ALK: variants seen among roughly 807,000 people sequenced by gnomAD.
The protein encoded by ALK is ALK receptor tyrosine kinase.
ALK carries 74 observed loss-of-function variants against 163.1 expected under a neutral mutation model. That is an observed-to-expected ratio of 0.45 (90% CI 0.38 to 0.55). The LOEUF (loss-of-function observed/expected upper bound fraction) is 0.55, where lower values mean the gene tolerates loss of function less well. ALK is among the 20% of genes least tolerant of loss of function. ALK has a pLI of 0.00. For missense variants in ALK, 2,063 were observed against 2,105.3 expected (o/e 0.98, Z 0.39); for synonymous variants, 960 against 843.2 (o/e 1.14, Z -2.40).
chr2:29,752,580 C>T (rs1020751561), intron 1 of ALK, among the ~76,000 whole-genome samples: 5 of 151,870 alleles, frequency 3.3e-5, no homozygotes, highest in Non-Finnish European at 7.4e-5. Flanking sequence ...GATCTCCTGA[C>T]CTCGTGATCC....
At chr2:29,688,380 T>G (rs1678297678) in intron 3 of ALK, among the ~76,000 whole-genome samples, 1 of 152,202 alleles carries the variant, frequency 6.6e-6, no homozygotes, top group Non-Finnish European at 1.5e-5. Flanking sequence ...GTGGCTATAT[T>G]TATTTTATCT....
chr2:29,791,894 A>G (rs1214956916), intron 1 of ALK, among the ~76,000 whole-genome samples: 3 of 152,154 alleles, frequency 2.0e-5, no homozygotes, highest in African/African-American at 7.2e-5. Context: ...TCTCTAAACA[A>G]TCGGGTGATT....
intron 2 of ALK, among the ~76,000 whole-genome samples, chr2:29,706,005 G>A (rs1277239903): frequency 1.3e-5 from 2 of 152,150 alleles, no homozygotes; most frequent in Non-Finnish European, 2.9e-5. Flanking sequence ...TTTCCTTTGC[G>A]ATGGCTGATT....
intron 4 of ALK, among the ~76,000 whole-genome samples, chr2:29,494,130 T>C (rs567866810): frequency 6.6e-6 from 1 of 152,288 alleles, no homozygotes; most frequent in Admixed American, 6.5e-5. Flanking sequence ...GATCCACCAA[T>C]GTGATGGGTG....
intron 1 of ALK, among the ~76,000 whole-genome samples, chr2:29,876,114 G>A (rs1666698540): frequency 6.6e-6 from 1 of 152,168 alleles, no homozygotes; most frequent in Admixed American, 6.5e-5. Flanking sequence ...CAGTTCTATG[G>A]CCATGGGCAG....
intron 1 of ALK, among the ~76,000 whole-genome samples, chr2:29,864,792 A>G (rs544506349): frequency 2.0e-5 from 3 of 152,336 alleles, no homozygotes; most frequent in South Asian, 2.1e-4. Flanking sequence ...GCCTCTAATG[A>G]TGGGAGAGTC....
rs1280925820 is a variant in ALK, at chr2:29,673,677, A to G, written c.952+21173T>C. Among the ~76,000 whole-genome samples the G allele has an allele frequency of 6.6e-5, 10 of 151,254 alleles. 1 individual carries two copies. The highest frequency in any genetic ancestry group is 2.2e-4 in the African/African-American group (9 of 41,100). On this transcript the variant is annotated intron_variant, in intron 3 of 28. Transcript: ENST00000389048. Reference sequence around the variant, plus strand: ...GAAATGCGGGCTCTTTTTTGGTTCCATATGAACTTTAAAGTAGTTTTTTCC... The same window carrying G: ...GAAATGCGGGCTCTTTTTTGGTTCCGTATGAACTTTAAAGTAGTTTTTTCC...
intron 5 of ALK, among the ~76,000 whole-genome samples, chr2:29,339,242 C>CAAAA (rs35376835): frequency 2.2e-5 from 3 of 135,138 alleles, no homozygotes; most frequent in Non-Finnish European, 3.2e-5. Flanking sequence ...GACTCTATCT[C>CAAAA]AAAAAAAAAA....
intron 4 of ALK, among the ~76,000 whole-genome samples, chr2:29,451,226 T>C (rs771462202): frequency 1.3e-5 from 2 of 152,216 alleles, no homozygotes; most frequent in Non-Finnish European, 2.9e-5. Flanking sequence ...ACACCTGCTC[T>C]ACTGCAAATA....
At chr2:29,295,333 GA>G (rs140799972) in intron 9 of ALK, among the ~76,000 whole-genome samples, 1 of 151,740 alleles carries the variant, frequency 6.6e-6, no homozygotes, top group Non-Finnish European at 1.5e-5. Context: ...GGATTGAGGA[GA>G]AAAAAAACAC....
intron 1 of ALK, among the ~76,000 whole-genome samples, chr2:29,762,920 C>A (rs1015125765): frequency 3.9e-5 from 6 of 151,984 alleles, no homozygotes; most frequent in African/African-American, 1.5e-4. Context: ...AACCCCATCT[C>A]TACTAAAAAT....
intron 8 of ALK, among the ~76,000 whole-genome samples, chr2:29,302,166 G>A (rs1418953390): frequency 6.6e-6 from 1 of 152,200 alleles, no homozygotes. Context: ...TAAAGACTTA[G>A]GTCCAGACAG....
intron 1 of ALK, among the ~76,000 whole-genome samples, chr2:29,787,432 T>C (rs1664063867): frequency 6.6e-6 from 1 of 152,236 alleles, no homozygotes. Context: ...TGCAGTTAAA[T>C]GTATACACTG....
At chr2:29,919,943 A>C in intron 1 of ALK, 50 bp downstream of exon 1, 1 of 1,598,654 alleles carries the variant, frequency 6.3e-7, no homozygotes, top group East Asian at 2.2e-5. Flanking sequence ...TTGCATATCA[A>C]TGTGACTAAA....
intron 3 of ALK, among the ~76,000 whole-genome samples, chr2:29,586,030 G>A (rs1674877132): frequency 6.6e-6 from 1 of 152,086 alleles, no homozygotes; most frequent in Non-Finnish European, 1.5e-5. Context: ...TAAAAAGCAT[G>A]CCTATTTCAT....
intron 4 of ALK, among the ~76,000 whole-genome samples, chr2:29,476,206 A>G (rs2148114641): frequency 6.6e-6 from 1 of 152,240 alleles, no homozygotes; most frequent in South Asian, 2.1e-4. Context: ...TCTCCTCCCC[A>G]TGCCTGCAGG....
At chr2:29,827,830 T>C (rs985816652) in intron 1 of ALK, among the ~76,000 whole-genome samples, 1 of 152,160 alleles carries the variant, frequency 6.6e-6, no homozygotes, top group African/African-American at 2.4e-5. Context: ...AAAGTTCATA[T>C]GGAACCAAAA....
At chr2:29,386,009 C>T (rs1247996842) in intron 4 of ALK, among the ~76,000 whole-genome samples, 1 of 152,220 alleles carries the variant, frequency 6.6e-6, no homozygotes, top group Non-Finnish European at 1.5e-5. Flanking sequence ...CATGCGCTTG[C>T]TAACACTAAT....
intron 3 of ALK, among the ~76,000 whole-genome samples, chr2:29,675,746 C>G (rs1297091280): frequency 6.6e-6 from 1 of 151,988 alleles, no homozygotes; most frequent in Admixed American, 6.6e-5. Flanking sequence ...TCTGAGTATA[C>G]CTCTTGCTGC....
Sources: allele counts gnomAD v4.1 joint callset (sites outside exome capture counted in the v4.1 genomes callset), GRCh38; gene constraint gnomAD v4.1.1; transcripts MANE v1.5; gene names NCBI Gene and HGNC (gene_info 2026-07-23, HGNC 2026-07-21).